The following UBE2E2 variants were observed in gnomAD, a reference collection of about 807,000 sequenced individuals.
UBE2E2 encodes the protein ubiquitin-conjugating enzyme E2 E2.
In UBE2E2, 6 loss-of-function variants were observed where a neutral mutation model predicts 24.7. The ratio of observed to expected loss-of-function variants is 0.24; its 90% confidence interval spans 0.13 to 0.48. UBE2E2 has a LOEUF of 0.48. Among genes scored for constraint, UBE2E2 ranks in the 20% least tolerant of loss-of-function variants. UBE2E2 has a pLI of 0.99. For synonymous variants in UBE2E2, 104 were observed against 83.6 expected (o/e 1.24, Z -1.33); for missense variants, 169 against 245.0 (o/e 0.69, Z 2.07).
intron 4 of UBE2E2, 137 bp downstream of exon 4, chr3:23,499,877 A>G (rs1699682701): frequency 9.3e-7 from 1 of 1,069,774 alleles, no homozygotes; most frequent in African/African-American, 1.6e-5. Context: ...GATAGTGTAT[A>G]AAATGAAACA....
intron 3 of UBE2E2, among the ~76,000 whole-genome samples, chr3:23,417,118 A>G (rs1697657881): frequency 1.3e-5 from 2 of 152,098 alleles, no homozygotes; most frequent in African/African-American, 4.8e-5. Context: ...GATCTTTTAG[A>G]GGAGAAGAGG....
chr3:23,250,922 A>T (rs1282798947), intron 3 of UBE2E2, among the ~76,000 whole-genome samples: 2 of 152,190 alleles, frequency 1.3e-5, no homozygotes, highest in African/African-American at 4.8e-5. Context: ...CACTAGCACC[A>T]TTATAGCTCA....
intron 3 of UBE2E2, among the ~76,000 whole-genome samples, chr3:23,326,832 C>T (rs1171661266): frequency 2.0e-5 from 3 of 152,108 alleles, no homozygotes; most frequent in African/African-American, 7.2e-5. Flanking sequence ...ACTCCCCCCA[C>T]CCCACCACAG....
intron 3 of UBE2E2, among the ~76,000 whole-genome samples, chr3:23,433,130 T>G (rs1479308353): frequency 6.6e-6 from 1 of 151,898 alleles, no homozygotes; most frequent in Non-Finnish European, 1.5e-5. Context: ...ATACAGAAAA[T>G]AATTATTGAA....
At chr3:23,286,575 A>G (rs569862744) in intron 3 of UBE2E2, among the ~76,000 whole-genome samples, 6 of 152,296 alleles carry the variant, frequency 3.9e-5, no homozygotes, top group Admixed American at 3.3e-4. Context: ...ATTTGAAGTC[A>G]GGTAATATGA....
At chr3:23,461,278 T>C (rs1311747915) in intron 3 of UBE2E2, among the ~76,000 whole-genome samples, 3 of 152,194 alleles carry the variant, frequency 2.0e-5, no homozygotes, top group Non-Finnish European at 4.4e-5. Context: ...ATGTGTTTTA[T>C]TAACACCATG....
At chr3:23,237,857 G>C (rs1369970675) in intron 3 of UBE2E2, among the ~76,000 whole-genome samples, 1 of 152,106 alleles carries the variant, frequency 6.6e-6, no homozygotes, top group Admixed American at 6.6e-5. Context: ...TTCTAACAGG[G>C]TCTTAATTCA....
intron 3 of UBE2E2, among the ~76,000 whole-genome samples, chr3:23,480,582 C>A (rs2125441765): frequency 6.7e-6 from 1 of 150,248 alleles, no homozygotes. Flanking sequence ...ACAGCAGCTG[C>A]TGCAGAGAGG....
At chr3:23,397,104 AATCTTGTCATATATGATCG>A (rs1467175153) in intron 3 of UBE2E2, among the ~76,000 whole-genome samples, 2 of 152,298 alleles carry the variant, frequency 1.3e-5, no homozygotes, top group African/African-American at 4.8e-5. Context: ...TCAGACCCCT[AATCTTGTCATATATGATCG>A]ATCGTGCTAC....
At chr3:23,544,337 C>T (rs1286636821) in intron 5 of UBE2E2, among the ~76,000 whole-genome samples, 6 of 152,100 alleles carry the variant, frequency 3.9e-5, no homozygotes, top group South Asian at 2.1e-4. Flanking sequence ...CCAGAATCTA[C>T]AAGGAACTCA....
In UBE2E2 at chr3:23,316,306, T is replaced by C. The variant is rs147443858; in HGVS notation, c.227+98994T>C. 1.6e-4 allele frequency among the ~76,000 whole-genome samples: 25 copies of C among 152,190 alleles called. No individual in the cohort carries two copies. The East Asian group carries it at 4.9e-3, about 30-fold the overall frequency. ...ACCTGGTTCTCTGTGCTACTGCACCTGAGCTGCCACCGAAACCACAAGACA... is the reference window on the plus strand; with the variant it reads ...ACCTGGTTCTCTGTGCTACTGCACCCGAGCTGCCACCGAAACCACAAGACA... On this transcript the variant is annotated intron_variant, in intron 3 of 5. Coordinates refer to ENST00000396703, the MANE Select transcript of UBE2E2 (RefSeq NM_152653.4).
intron 3 of UBE2E2, among the ~76,000 whole-genome samples, chr3:23,441,440 G>C (rs1308325328): frequency 1.3e-5 from 2 of 150,004 alleles, no homozygotes; most frequent in African/African-American, 2.5e-5. Flanking sequence ...TCGGGAGGCT[G>C]AGGCCAGGGA....
At chr3:23,388,792 G>A (rs1696867819) in intron 3 of UBE2E2, among the ~76,000 whole-genome samples, 1 of 152,050 alleles carries the variant, frequency 6.6e-6, no homozygotes, top group South Asian at 2.1e-4. Flanking sequence ...GGATCATGAG[G>A]TCAGGAGTTC....
chr3:23,545,104 A>G (rs549586949), intron 5 of UBE2E2, among the ~76,000 whole-genome samples: 46 of 152,268 alleles, frequency 3.0e-4, no homozygotes, highest in Non-Finnish European at 5.4e-4. Flanking sequence ...TTTTATACCG[A>G]GACATTCCAT....
At chr3:23,247,819 C>T (rs934401796) in intron 3 of UBE2E2, among the ~76,000 whole-genome samples, 4 of 152,124 alleles carry the variant, frequency 2.6e-5, no homozygotes, top group African/African-American at 9.7e-5. Context: ...CTCCTTCTTC[C>T]TCCCCTCCCC....
chr3:23,449,482 C>T (rs939501236), intron 3 of UBE2E2, among the ~76,000 whole-genome samples: 5 of 152,276 alleles, frequency 3.3e-5, no homozygotes, highest in South Asian at 4.1e-4. Context: ...AGCTGTGGAA[C>T]TTGGTGAGGT....
Position 23,573,968 on chromosome 3 carries a change from A to G in UBE2E2, c.509-15766A>G, listed in dbSNP as rs183018025. On this transcript the variant is annotated intron_variant, in intron 5 of 5. Coordinates refer to ENST00000396703, the MANE Select transcript of UBE2E2 (RefSeq NM_152653.4). ...ATTTCACAAACTAAAGCTGTGTGCA[A>G]TGCTTAAACAAAACACTTTGACTGA... is the stretch of plus-strand genomic sequence containing the variant. Among the ~76,000 whole-genome samples the G allele has an allele frequency of 3.9e-5, 6 of 152,316 alleles. No individual in the cohort carries two copies. In the East Asian group the frequency reaches 7.7e-4, roughly 20 times the overall value.
rs542607761 is a variant in UBE2E2 at position 23,407,290 on chromosome 3, G to C, written c.228-92318G>C. On this transcript the variant is annotated intron_variant, in intron 3 of 5. Coordinates refer to ENST00000396703, the MANE Select transcript of UBE2E2 (RefSeq NM_152653.4). This position sits in a 1 kb window ranked among gnomAD's most constrained non-coding sequence, Gnocchi z 4.0. The stretch of plus-strand genomic sequence containing the variant: ...GAATAAAAAGATTCAGATGACATCT[G>C]AGACAACCTGGTATAAACAGCCCTA... 6.1e-4 allele frequency among the ~76,000 whole-genome samples: 92 copies of C among 152,038 alleles called. 3 individuals are homozygous for C. In the South Asian group the frequency reaches 0.019, roughly 31 times the overall value.
chr3:23,434,636 C>T lies in UBE2E2; in HGVS notation c.228-64972C>T, dbSNP rs193181097. On this transcript the variant is annotated intron_variant, in intron 3 of 5. Coordinates refer to ENST00000396703, the MANE Select transcript of UBE2E2 (RefSeq NM_152653.4). ...TCCTCTCTGTAAATGTACAAATATG[C>T]AAACTTGTATAAATTAGGTAATTGC... 3.4e-4 allele frequency among the ~76,000 whole-genome samples: 51 copies of T among 152,098 alleles called. 1 individual carries two copies. The Middle Eastern group carries it at 0.01, about 30-fold the overall frequency.
Sources: gnomAD v4.1 joint callset for allele counts (sites outside exome capture counted in the v4.1 genomes callset) on GRCh38, gnomAD v4.1.1 for gene constraint, Gnocchi (gnomAD v3.1) non-coding constraint, MANE v1.5 for transcripts, NCBI Gene and HGNC (gene_info 2026-07-23, HGNC 2026-07-21) for gene names.